ZNF91: variants seen among roughly 807,000 people sequenced by gnomAD.
ZNF91 encodes the protein zinc finger protein 91, also known as zinc finger protein 91 (HPF7, HTF10).
ZNF91 carries 7 observed loss-of-function variants against 12.6 expected under a neutral mutation model. That is an observed-to-expected ratio of 0.55 (90% confidence interval 0.31 to 1.04). The LOEUF is 1.04. Ranked by LOEUF, ZNF91 falls within the 50% of genes least tolerant of loss-of-function variation. ZNF91 has a pLI of 0.05. For synonymous variants in ZNF91, 453 were observed against 462.6 expected (o/e 0.98, Z 0.27); for missense variants, 1,217 against 1,385.4 (o/e 0.88, Z 1.93).
chr19:23,352,788 A>G (rs540662617), downstream of ZNF91, among the ~76,000 whole-genome samples: 3 of 152,368 alleles, frequency 2.0e-5, no homozygotes, highest in South Asian at 6.2e-4. Context: ...ATGGACACCC[A>G]AAGCAAGCAG....
In ZNF91 at chr19:23,381,772, C is replaced by CT. The variant is rs201309683; in HGVS notation, c.31-7009dup. Among the ~76,000 whole-genome samples the CT allele has an allele frequency of 7.9e-3, 1,205 of 152,216 alleles. 16 individuals carry two copies. The highest frequency in any genetic ancestry group is 0.028 in the African/African-American group (1,147 of 41,540). On this transcript the variant is annotated intron_variant, in intron 1 of 3. Transcript: ENST00000300619. ...ACCGCGCCCAGCCATAAACTGAACT[C>CT]TTTTTTCTTTTGTAGTATAAATACT... is the stretch of plus-strand genomic sequence containing the variant.
chr19:23,348,268 T>C (rs1160192642), intron 3 of ZNF91, among the ~76,000 whole-genome samples: 1 of 152,218 alleles, frequency 6.6e-6, no homozygotes, highest in African/African-American at 2.4e-5. Flanking sequence ...TGAAATCATG[T>C]ATGGCTGAAT....
At chr19:23,334,367 CTG>C (rs1017115525), downstream of ZNF91, among the ~76,000 whole-genome samples, 4 of 152,108 alleles carry the variant, frequency 2.6e-5, no homozygotes, top group African/African-American at 9.7e-5. Context: ...GTGAGCAGCT[CTG>C]TGTTTCAGAG....
chr19:23,344,341 G>A (rs886257878), intron 3 of ZNF91, among the ~76,000 whole-genome samples: 4 of 152,026 alleles, frequency 2.6e-5, no homozygotes, highest in Admixed American at 2.0e-4. Flanking sequence ...TGATCCGCCC[G>A]CCTCGGCCTC....
chr19:23,349,661 T>C (rs570692172), intron 3 of ZNF91, among the ~76,000 whole-genome samples: 31 of 152,188 alleles, frequency 2.0e-4, no homozygotes, highest in Non-Finnish European at 3.2e-4. Context: ...ACAACTGAAG[T>C]GGACAGGCCC....
chr19:23,364,347 G>C (rs1167832332), intron 3 of ZNF91, among the ~76,000 whole-genome samples: 1 of 152,170 alleles, frequency 6.6e-6, no homozygotes, highest in African/African-American at 2.4e-5. Context: ...CTCAAAGACT[G>C]AGGCAGGAGA....
At chr19:23,334,382 A>T (rs1420102532), downstream of ZNF91, among the ~76,000 whole-genome samples, 1 of 152,170 alleles carries the variant, frequency 6.6e-6, no homozygotes, top group Non-Finnish European at 1.5e-5. Context: ...TTTCAGAGGG[A>T]ACACTGCTAA....
At chr19:23,313,233 TAC>T (rs1967499277), upstream of ZNF91, among the ~76,000 whole-genome samples, 1 of 152,240 alleles carries the variant, frequency 6.6e-6, no homozygotes, top group Non-Finnish European at 1.5e-5. Flanking sequence ...TGATTTGACC[TAC>T]AGTCTGGGAC....
At position 23,317,389 on chromosome 19, in the gene ZNF91, T is replaced by C. The variant is rs185922561; in HGVS notation, n.117-8292A>G. Among the ~76,000 whole-genome samples, 184 of 152,220 alleles carry C rather than the reference T, an allele frequency of 1.2e-3. 3 individuals are homozygous for C. The Middle Eastern group carries it at 0.017, about 14-fold the overall frequency. On this transcript the variant is annotated intron_variant and non_coding_transcript_variant, in intron 1 of 1. Coordinates refer to the ZNF91 transcript ENST00000596528. ...AACCTAGTTCATAGGTAGGTGAGGA[T>C]GCTCCTATTTGGACCTAGCCAATTG...
At chr19:23,389,824 G>A (rs1382983375) in intron 1 of ZNF91, among the ~76,000 whole-genome samples, 1 of 152,112 alleles carries the variant, frequency 6.6e-6, no homozygotes, top group East Asian at 1.9e-4. Context: ...AGTCAGCACA[G>A]ACCTTGATTC....
In ZNF91 at chr19:23,360,274, C is replaced by T. The variant is rs747255942; in HGVS notation, c.2705G>A (p.Arg902Lys). ...IWSSTLTEHK[R>K]IHTREKTYKC... ...GTAGGTTTTCTCTCTGGTATGAATT[C>T]TCTTATGTTCAGTAAGGGTTGAGGA... is the stretch of plus-strand genomic sequence containing the variant. The change falls in exon 4 of 4, where the codon AGA becomes AAA. Residue 902 changes from arginine (R) to lysine (K), a missense_variant. Physicochemically the swap from Arg to Lys is conservative, Grantham distance 26 (BLOSUM62 2). Around this residue, in one of 2 missense-constraint regions of ZNF91, gnomAD observed 491 missense variants for 489.8 expected, o/e 1.00. Transcript: ENST00000300619. 1 of 1,613,298 alleles carries T rather than the reference C, an allele frequency of 6.2e-7. No homozygotes were observed.
At chr19:23,329,915 G>C (rs1967897847) in intron 1 of ZNF91, among the ~76,000 whole-genome samples, 1 of 152,282 alleles carries the variant, frequency 6.6e-6, no homozygotes, top group East Asian at 1.9e-4. Context: ...TACTCAGCGA[G>C]TGACCATCTT....
chr19:23,363,328 G>A (rs968948893), intron 3 of ZNF91, among the ~76,000 whole-genome samples: 5 of 152,096 alleles, frequency 3.3e-5, no homozygotes, highest in African/African-American at 9.7e-5. Flanking sequence ...GAAAGAAACC[G>A]TGGCATAATT....
rs764359756 is a variant in ZNF91 at position 23,359,957 on chromosome 19, T to C, written c.3022A>G (p.Thr1008Ala). 3.1e-6 allele frequency: 5 copies of C among 1,611,200 alleles called. No individual in the cohort carries two copies. Among genetic ancestry groups the C allele is most frequent in the Non-Finnish European group, 4.2e-6 (5 of 1,179,098 alleles). The change falls in exon 4 of 4, where the codon ACC becomes GCC. Residue 1008 changes from threonine to alanine, a missense_variant. Physicochemically the swap from Thr to Ala is moderately conservative, Grantham distance 58. Around this residue, in one of 2 missense-constraint regions of ZNF91, gnomAD observed 491 missense variants for 489.8 expected, o/e 1.00. Coordinates refer to ENST00000300619, the MANE Select transcript of ZNF91 (RefSeq NM_003430.4). The stretch of plus-strand genomic sequence containing the variant: ...TGCATCCTCGTATGTCTAGTTAGGG[T>C]TGAGGATTGGCTAAATGCTTTGCCA... ...ECGKAFSQSS[T>A]LTRHTRMHTG...
chr19:23,393,193 T>A (rs1268476769), intron 1 of ZNF91, among the ~76,000 whole-genome samples: 1 of 152,126 alleles, frequency 6.6e-6, no homozygotes, highest in Non-Finnish European at 1.5e-5. Flanking sequence ...AATACTAGTA[T>A]CTGATTGGCT....
downstream of ZNF91, among the ~76,000 whole-genome samples, chr19:23,357,281 AAAC>A (rs907716967): frequency 3.9e-5 from 6 of 152,254 alleles, no homozygotes; most frequent in Middle Eastern, 3.4e-3. Context: ...AAAACCTATT[AAAC>A]AACAACAACA....
At position 23,395,467 on chromosome 19, in the gene ZNF91, G is replaced by A. The variant is rs977344327; in HGVS notation, c.-113C>T. 2.2e-5 allele frequency: 29 copies of A among 1,326,540 alleles called. No individual in the cohort carries two copies. In the Admixed American group the frequency reaches 5.3e-4, roughly 24 times the overall value. 82.2% of individuals were successfully genotyped at this position (1,326,540 alleles called of 1,614,324 possible). ...GACCTGGAAACTCCGGCGGCAGCGAGAGACAAAGGCCCAGCCACATCCCGG... is the reference window on the plus strand; with the variant it reads ...GACCTGGAAACTCCGGCGGCAGCGAAAGACAAAGGCCCAGCCACATCCCGG... On this transcript the variant is annotated 5_prime_UTR_variant, in exon 1 of 4. Coordinates refer to ENST00000300619, the MANE Select transcript of ZNF91 (RefSeq NM_003430.4).
At chr19:23,372,972 A>G (rs1314737781) in intron 3 of ZNF91, among the ~76,000 whole-genome samples, 2 of 152,210 alleles carry the variant, frequency 1.3e-5, no homozygotes, top group East Asian at 3.8e-4. Context: ...CACTCTGTCC[A>G]AAAATTAAAT....
intron 1 of ZNF91, among the ~76,000 whole-genome samples, chr19:23,331,690 C>A (rs118146928): frequency 2.6e-5 from 4 of 151,974 alleles, no homozygotes; most frequent in East Asian, 3.9e-4. Context: ...GCTTGCTGTG[C>A]GCCTTTGTTA....
Sources: gnomAD v4.1 joint callset for allele counts (sites outside exome capture counted in the v4.1 genomes callset) on GRCh38, gnomAD v4.1.1 for gene constraint, gnomAD v4.1.1 regional missense constraint, MANE v1.5 for transcripts, NCBI Gene and HGNC (gene_info 2026-07-23, HGNC 2026-07-21) for gene names.